DNAJA3: variants seen among roughly 807,000 people sequenced by gnomAD.
DNAJA3 encodes dnaJ homolog subfamily A member 3, mitochondrial.
In DNAJA3, 29 loss-of-function variants were observed where a neutral mutation model predicts 54.9. That is an observed-to-expected ratio of 0.53 (90% confidence interval 0.39 to 0.72). DNAJA3 has a LOEUF of 0.72. DNAJA3 is among the 30% of genes least tolerant of loss of function. The pLI is 0.00. For synonymous variants in DNAJA3, 302 were observed against 251.4 expected (o/e 1.20, Z -1.90); for missense variants, 708 against 639.4 (o/e 1.11, Z -1.16).
intron 3 of DNAJA3, chr16:4,441,079 C>G: frequency 2.1e-6 from 1 of 470,380 alleles, no homozygotes; most frequent in Non-Finnish European, 3.8e-6. Context: ...TGTGAAGAAT[C>G]CAGGGTGCCT....
intron 1 of DNAJA3, among the ~76,000 whole-genome samples, chr16:4,433,576 G>A (rs1358652862): frequency 5.3e-5 from 8 of 152,168 alleles, no homozygotes; most frequent in Non-Finnish European, 7.3e-5. Context: ...TCCAGGGAGC[G>A]CAGTCTTGAG....
chr16:4,434,411 C>T lies in DNAJA3; in HGVS notation c.239C>T (p.Thr80Ile), dbSNP rs141763240. ...ACAAAACATAACCCTTTCATTTGTA[C>T]TGCCTCCTTCCACACGAGTGCCCCT... Reference protein sequence around the residue: ...TGTKHNPFICTASFHTSAPLA... With the variant: ...TGTKHNPFICIASFHTSAPLA... Residue 80 changes from threonine to isoleucine, a missense_variant, in exon 2 of 12, where the codon ACT becomes ATT. Coordinates refer to ENST00000262375, the MANE Select transcript of DNAJA3 (RefSeq NM_005147.6). 2 of 1,613,500 alleles carry T rather than the reference C, an allele frequency of 1.2e-6. No homozygotes were observed. The highest frequency in any genetic ancestry group is 1.7e-6 in the Non-Finnish European group (2 of 1,179,908).
rs1284365701 is a variant in DNAJA3 at position 4,434,482 on chromosome 16, G to A, written c.310G>A (p.Ala104Thr). 1.9e-6 allele frequency: 3 copies of A among 1,613,910 alleles called. No homozygotes were observed. The highest frequency in any genetic ancestry group is 2.5e-6 in the Non-Finnish European group (3 of 1,179,972). The stretch of plus-strand genomic sequence containing the variant: ...TCAGATATTAGGAGTGCCTCGAAAT[G>A]CCAGCCAGAAAGAGATCAAGAAAGC... ...YYQILGVPRN[A>T]SQKEIKKAYY... Residue 104 changes from alanine (A) to threonine (T), a missense_variant, in exon 2 of 12, where the codon GCC (alanine) becomes ACC (threonine). By Grantham distance (58) the Ala-to-Thr change is moderately conservative. Coordinates refer to ENST00000262375, the MANE Select transcript of DNAJA3 (RefSeq NM_005147.6).
In DNAJA3 at chr16:4,425,947, A is replaced by C; in HGVS notation, c.66A>C (p.Ile22=). The C allele has an allele frequency of 3.2e-6, 5 of 1,567,162 alleles. No homozygotes were observed. Among genetic ancestry groups the C allele is most frequent in the Non-Finnish European group, 4.3e-6 (5 of 1,158,018 alleles). Residue 22 remains isoleucine (I), a synonymous_variant, in exon 1 of 12, where the codon ATA becomes ATC. Transcript: ENST00000262375. ...TGGGGACCCCGCGGCTGCCGGCTAT[A>C]TCGGGTAGAGGGGCCCGGCCGCCCA... ...VVVGTPRLPA[I]SGRGARPPRE... is the part of the protein sequence containing the mutation.
At chr16:4,452,128 A>G (rs964825790) in intron 10 of DNAJA3, among the ~76,000 whole-genome samples, 4 of 152,010 alleles carry the variant, frequency 2.6e-5, no homozygotes, top group Admixed American at 6.6e-5. Context: ...CCAGGTTCCA[A>G]ATGTCACTTA....
chr16:4,442,715 T>C (rs967313413), intron 5 of DNAJA3: 10 of 518,606 alleles, frequency 1.9e-5, no homozygotes, highest in Non-Finnish European at 3.4e-5. Context: ...GGGGAAATAA[T>C]CTTTTTTAAA....
intron 1 of DNAJA3, among the ~76,000 whole-genome samples, chr16:4,426,443 G>T (rs796526837): frequency 2.0e-5 from 3 of 152,180 alleles, no homozygotes; most frequent in Non-Finnish European, 4.4e-5. Flanking sequence ...ACTGCCATTC[G>T]GAGAGGCCTA....
intron 9 of DNAJA3, among the ~76,000 whole-genome samples, chr16:4,449,285 C>G (rs1373712762): frequency 6.6e-6 from 1 of 152,176 alleles, no homozygotes; most frequent in South Asian, 2.1e-4. Flanking sequence ...CGTGAGCCAC[C>G]ATGCCCGGCC....
intron 4 of DNAJA3, 23 bp from the exon 5 acceptor site, chr16:4,442,245 A>T: frequency 1.3e-6 from 2 of 1,549,210 alleles, no homozygotes; most frequent in Non-Finnish European, 1.7e-6. Context: ...AAAAGTTGAC[A>T]GGCTGTCCCT....
At position 4,446,200 on chromosome 16, in the gene DNAJA3, C is replaced by T. The variant is rs373089141; in HGVS notation, c.997-686C>T. Among the ~76,000 whole-genome samples, 129 of 148,526 alleles carry T rather than the reference C, an allele frequency of 8.7e-4. No individual in the cohort carries two copies. The Middle Eastern group carries it at 0.015, about 17-fold the overall frequency. ...CCTTCCAAAGTGCTGGGATTACAAG[C>T]GTGAGCCACCACGGCTGGCCTATAC... On this transcript the variant is annotated intron_variant, in intron 7 of 11. Transcript: ENST00000262375.
chr16:4,441,134 C>G (rs1265984922), intron 3 of DNAJA3: 3 of 549,622 alleles, frequency 5.5e-6, no homozygotes, highest in African/African-American at 1.9e-5. Flanking sequence ...CCAGCATGCG[C>G]GACGGCGGGA....
intron 1 of DNAJA3, among the ~76,000 whole-genome samples, chr16:4,432,692 T>C (rs578034776): frequency 6.6e-6 from 1 of 152,006 alleles, no homozygotes; most frequent in African/African-American, 2.4e-5. Flanking sequence ...ACCTCCAGTC[T>C]GGGCGTGGTG....
chr16:4,452,191 G>C (rs1007005416), intron 10 of DNAJA3, among the ~76,000 whole-genome samples: 4 of 152,082 alleles, frequency 2.6e-5, no homozygotes, highest in African/African-American at 9.7e-5. Flanking sequence ...TTTTGTTCTT[G>C]TTGTATCTCT....
chr16:4,456,476 ATGT>A lies in DNAJA3; in HGVS notation c.*947_*949del, dbSNP rs2057037257. 1 of 152,608 alleles carries A rather than the reference ATGT, an allele frequency of 6.6e-6. No homozygotes were observed. The highest frequency in any genetic ancestry group is 6.5e-5 in the Admixed American group (1 of 15,272). The allele number at this position is 152,608 out of a possible 1,614,324, so 9.5% of individuals were successfully genotyped here. A position where few individuals can be genotyped will look rare whatever the true frequency, so the allele number is the denominator to read the frequency against. On this transcript the variant is annotated 3_prime_UTR_variant, in exon 12 of 12. Transcript: ENST00000262375. ...CTAATCATTGTTTTTTCCTTTGTAAATGTTGATTCAGAAAAGGAAAGCACAGGC... is the reference window on the plus strand; with the variant it reads ...CTAATCATTGTTTTTTCCTTTGTAAATGATTCAGAAAAGGAAAGCACAGGC...
At position 4,437,556 on chromosome 16, in the gene DNAJA3, CTGGGACAGCCTGG is replaced by C. The variant is rs1354804064; in HGVS notation, c.429+74_429+86del. The C allele has an allele frequency of 3.2e-6, 4 of 1,255,024 alleles. No individual in the cohort carries two copies. The Admixed American group carries it at 7.3e-5, about 23-fold the overall frequency. 77.7% of individuals were successfully genotyped at this position (1,255,024 alleles called of 1,614,324 possible). ...TATGAATCAAAGGTTGCATTGCTACCTGGGACAGCCTGGTGTGTCATACAGTCCAGTGTGAAGG... is the reference window on the plus strand; with the variant it reads ...TATGAATCAAAGGTTGCATTGCTACCTGTGTCATACAGTCCAGTGTGAAGG... On this transcript the variant is annotated intron_variant, in intron 3 of 11. Coordinates refer to ENST00000262375, the MANE Select transcript of DNAJA3 (RefSeq NM_005147.6).
rs575362042 is a variant in DNAJA3, at chr16:4,436,831, C to T, written c.346-571C>T. ...GATAACAGGCATGAGCCACTGCGCC[C>T]GGCCCCCTTTTTAAAAATTTGTTTT... On this transcript the variant is annotated intron_variant, in intron 2 of 11. Coordinates refer to ENST00000262375, the MANE Select transcript of DNAJA3 (RefSeq NM_005147.6). 7.4e-4 allele frequency among the ~76,000 whole-genome samples: 113 copies of T among 152,276 alleles called. 1 individual carries two copies. Among genetic ancestry groups the T allele is most frequent in the Admixed American group, 5.5e-3 (84 of 15,276 alleles).
chr16:4,450,114 A>G, intron 9 of DNAJA3: 1 of 351,494 alleles, frequency 2.8e-6, no homozygotes, highest in Non-Finnish European at 5.1e-6. Flanking sequence ...TACTTGCTTC[A>G]CATACACACT....
In DNAJA3 at chr16:4,437,394, T is replaced by G. The variant is rs763446342; in HGVS notation, c.346-8T>G. On this transcript the variant is annotated splice_region_variant and splice_polypyrimidine_tract_variant and intron_variant, in intron 2 of 11. Transcript: ENST00000262375. Reference sequence around the variant, plus strand: ...TATCTGGAGTAATTTATCATGTTTTTCCCTTAGCTTGCCAAGAAGTATCAC... The same window carrying G: ...TATCTGGAGTAATTTATCATGTTTTGCCCTTAGCTTGCCAAGAAGTATCAC... 6.2e-7 allele frequency: 1 copy of G among 1,613,380 alleles called. No homozygotes were observed. Among genetic ancestry groups the G allele is most frequent in the Non-Finnish European group, 8.5e-7 (1 of 1,179,392 alleles).
intron 8 of DNAJA3, chr16:4,447,744 G>C (rs900631791): frequency 6.6e-6 from 1 of 152,042 alleles, no homozygotes; most frequent in Non-Finnish European, 1.5e-5. Flanking sequence ...GCTCTGCTCT[G>C]GGCAGACCCA....
Sources: gnomAD v4.1 joint callset for allele counts (sites outside exome capture counted in the v4.1 genomes callset) on GRCh38, gnomAD v4.1.1 for gene constraint, MANE v1.5 for transcripts, NCBI Gene and HGNC (gene_info 2026-07-23, HGNC 2026-07-21) for gene names.